The following HNF4A variants were observed in gnomAD, a reference collection of about 807,000 sequenced individuals.
The protein encoded by HNF4A is hepatocyte nuclear factor 4-alpha.
Under a neutral mutation model 52.4 loss-of-function variants are expected in HNF4A, and 15 were observed. The observed-to-expected ratio is 0.29, with a 90% CI of 0.19 to 0.44. The LOEUF is 0.44. Ranked by LOEUF, HNF4A falls within the 20% of genes least tolerant of loss-of-function variation. HNF4A has a pLI of 1.00. For synonymous variants in HNF4A, 280 were observed against 264.4 expected, an observed-to-expected ratio of 1.06 and a Z score of -0.57; for missense variants, 479 against 647.2, an observed-to-expected ratio of 0.74 and a Z score of 2.82.
intron 1 of HNF4A, chr20:44,401,500 AGATGTG>A (rs760033218): frequency 1.9e-6 from 3 of 1,614,020 alleles, no homozygotes; most frequent in Admixed American, 1.7e-5. Flanking sequence ...AGGTGGGGGC[AGATGTG>A]CCCAGGTGTG....
chr20:44,406,009 C>G, intron 1 of HNF4A, 49 bp from the exon 2 acceptor site: 1 of 1,575,962 alleles, frequency 6.3e-7, no homozygotes, highest in Non-Finnish European at 8.7e-7. Flanking sequence ...CCTTAGATGC[C>G]TGACATTCTG....
chr20:44,429,709 C>T lies in HNF4A; in HGVS notation c.*44C>T. 6.3e-7 allele frequency: 1 copy of T among 1,596,316 alleles called. No individual in the cohort carries two copies. Among genetic ancestry groups the T allele is most frequent in the South Asian group, 1.1e-5 (1 of 90,710 alleles). On this transcript the variant is annotated 3_prime_UTR_variant, in exon 10 of 10. Coordinates refer to ENST00000316099, the MANE Select transcript of HNF4A (RefSeq NM_000457.6). ...GGGCTCCACTGGCTCCCCCCAGCCC[C>T]CTAAGAGAGCACCTGGTGATCACGT...
At chr20:44,425,342 GA>G (rs1300068180) in intron 8 of HNF4A, among the ~76,000 whole-genome samples, 3 of 152,164 alleles carry the variant, frequency 2.0e-5, no homozygotes, top group Non-Finnish European at 4.4e-5. Context: ...AGATTCCTGA[GA>G]ATGTCACTGT....
intron 1 of HNF4A, among the ~76,000 whole-genome samples, chr20:44,376,409 CTT>C (rs1045403718): frequency 1.3e-5 from 2 of 152,056 alleles, no homozygotes; most frequent in African/African-American, 4.8e-5. Context: ...AGATGGTTGA[CTT>C]TTTTTTATAA....
At chr20:44,379,689 T>A (rs1471161115) in intron 1 of HNF4A, among the ~76,000 whole-genome samples, 1 of 151,812 alleles carries the variant, frequency 6.6e-6, no homozygotes, top group Non-Finnish European at 1.5e-5. Context: ...GTAGCTGAGA[T>A]TACAGGCATG....
chr20:44,411,735 A>G (rs964202157), intron 3 of HNF4A, among the ~76,000 whole-genome samples: 75 of 152,156 alleles, frequency 4.9e-4, no homozygotes, highest in African/African-American at 1.8e-3. Flanking sequence ...TGGGGTGTCA[A>G]TGTTCCCTGG....
At chr20:44,368,134 G>GTATACACA (rs1426264904) in intron 1 of HNF4A, among the ~76,000 whole-genome samples, 4 of 56,388 alleles carry the variant, frequency 7.1e-5, no homozygotes, top group African/African-American at 3.2e-4. Context: ...GTGTGTGTGT[G>GTATACACA]TATATACATA....
At chr20:44,422,371 A>T (rs1362410260) in intron 7 of HNF4A, among the ~76,000 whole-genome samples, 1 of 152,180 alleles carries the variant, frequency 6.6e-6, no homozygotes, top group Non-Finnish European at 1.5e-5. Flanking sequence ...GACCTAGTTC[A>T]AGGCCTGGCA....
At chr20:44,406,631 C>T (rs2063504861) in intron 2 of HNF4A, among the ~76,000 whole-genome samples, 1 of 152,190 alleles carries the variant, frequency 6.6e-6, no homozygotes, top group Non-Finnish European at 1.5e-5. Context: ...GTTCCACCTA[C>T]CCCAGGGGCT....
chr20:44,373,937 A>C (rs976654954), intron 1 of HNF4A, among the ~76,000 whole-genome samples: 2 of 152,010 alleles, frequency 1.3e-5, no homozygotes, highest in Admixed American at 1.3e-4. Flanking sequence ...TGATCCACCT[A>C]CCTCAGCCTC....
At chr20:44,425,471 C>A (rs1947344039) in intron 8 of HNF4A, among the ~76,000 whole-genome samples, 1 of 152,106 alleles carries the variant, frequency 6.6e-6, no homozygotes, top group South Asian at 2.1e-4. Flanking sequence ...ATTGATCAGA[C>A]ATAGGGAGTG....
At chr20:44,404,356 C>T (rs1162189984) in intron 1 of HNF4A, among the ~76,000 whole-genome samples, 5 of 152,136 alleles carry the variant, frequency 3.3e-5, no homozygotes, top group Non-Finnish European at 1.5e-5. Flanking sequence ...GAATTGAACC[C>T]TGGGCAGAAG....
Position 44,355,869 on chromosome 20 carries a change from G to A in HNF4A, c.49+16G>A. The A allele has an allele frequency of 6.2e-7, 1 of 1,608,618 alleles. No homozygotes were observed. The highest frequency in any genetic ancestry group is 1.1e-5 in the South Asian group (1 of 90,898). ...AGTTCTTACGGTAAGTGGGGCTGGG[G>A]GAAGACTGGACAGGGCGGGACTGCG... On this transcript the variant is annotated intron_variant, in intron 1 of 9. Coordinates refer to the HNF4A transcript ENST00000316673.
rs745604501 is a variant in HNF4A, at chr20:44,401,480, G to A, written c.108G>A (p.Met36Ile). Reference sequence around the variant, plus strand: ...TTGAGAATGTGCAGGTGTTGACGATGGGCAATGGTAGGTGGGGGCAGATGT... The same window carrying A: ...TTGAGAATGTGCAGGTGTTGACGATAGGCAATGGTAGGTGGGGGCAGATGT... Residue 36 changes from methionine to isoleucine, a missense_variant, in exon 1 of 10, where the codon ATG becomes ATA. This residue lies in a region of HNF4A where 90 missense variants were observed against 105.5 expected (regional missense o/e 0.85). Transcript: ENST00000316099. 18 of 1,614,130 alleles carry A rather than the reference G, an allele frequency of 1.1e-5. No individual in the cohort carries two copies. The highest frequency in any genetic ancestry group is 2.7e-5 in the African/African-American group (2 of 74,944).
intron 6 of HNF4A, 35 bp from the exon 7 acceptor site, chr20:44,419,686 G>A (rs764880264): frequency 6.2e-7 from 1 of 1,609,528 alleles, no homozygotes; most frequent in Non-Finnish European, 8.5e-7. Context: ...AACCCAAGGT[G>A]ACTTCCCATC....
chr20:44,399,105 C>A (rs1168340153), upstream of HNF4A, among the ~76,000 whole-genome samples: 1 of 152,208 alleles, frequency 6.6e-6, no homozygotes, highest in Non-Finnish European at 1.5e-5. Flanking sequence ...TTTCTTCCCA[C>A]CTCTGCACTG....
At chr20:44,420,411 A>G (rs1328494120) in intron 7 of HNF4A, among the ~76,000 whole-genome samples, 1 of 152,106 alleles carries the variant, frequency 6.6e-6, no homozygotes, top group Non-Finnish European at 1.5e-5. Flanking sequence ...TCTTCCCTCC[A>G]TCCTTCTTTC....
At chr20:44,426,456 G>A (rs2063815493) in intron 8 of HNF4A, among the ~76,000 whole-genome samples, 1 of 152,074 alleles carries the variant, frequency 6.6e-6, no homozygotes, top group Admixed American at 6.6e-5. Flanking sequence ...TAGGATGACT[G>A]CAAGGGAGTG....
intron 1 of HNF4A, among the ~76,000 whole-genome samples, chr20:44,402,913 A>G (rs2063431290): frequency 6.6e-6 from 1 of 152,116 alleles, no homozygotes; most frequent in African/African-American, 2.4e-5. Flanking sequence ...CCTGCCGTCC[A>G]GTCACGTGTG....
Sources: allele counts gnomAD v4.1 joint callset (sites outside exome capture counted in the v4.1 genomes callset), GRCh38; gene constraint gnomAD v4.1.1; regional missense constraint gnomAD v4.1.1; transcripts MANE v1.5; gene names NCBI Gene and HGNC (gene_info 2026-07-23, HGNC 2026-07-21).